Variants in PTPRT observed in about 807,000 individuals in gnomAD.
The protein encoded by PTPRT is receptor-type tyrosine-protein phosphatase T.
In PTPRT, 56 loss-of-function variants were observed where a neutral mutation model predicts 176.8. The ratio of observed to expected loss-of-function variants is 0.32; its 90% confidence interval spans 0.26 to 0.40. PTPRT has a LOEUF of 0.40. Among genes scored for constraint, PTPRT ranks in the 10% least tolerant of loss-of-function variants. The pLI is 1.00. For missense variants in PTPRT, 1,540 were observed against 1,908.2 expected, an observed-to-expected ratio of 0.81 and a Z score of 3.60; for synonymous variants, 783 against 739.0, an observed-to-expected ratio of 1.06 and a Z score of -0.96.
intron 1 of PTPRT, among the ~76,000 whole-genome samples, chr20:43,114,184 A>G (rs768131909): frequency 2.6e-5 from 4 of 152,210 alleles, no homozygotes; most frequent in Admixed American, 6.5e-5. Context: ...AGATAAGCCT[A>G]TTTCACAGTT....
intron 7 of PTPRT, among the ~76,000 whole-genome samples, chr20:42,521,045 C>T (rs2072165872): frequency 6.6e-6 from 1 of 151,920 alleles, no homozygotes; most frequent in Admixed American, 6.6e-5. Context: ...TCCATCCACC[C>T]ACCCACCTAC....
intron 7 of PTPRT, among the ~76,000 whole-genome samples, chr20:42,527,038 A>G (rs113284836): frequency 7.5e-6 from 1 of 132,510 alleles, no homozygotes; most frequent in African/African-American, 2.9e-5. Flanking sequence ...ATCTCAGCTC[A>G]CTGCAAGCTC....
intron 7 of PTPRT, among the ~76,000 whole-genome samples, chr20:42,631,016 C>G (rs1356806387): frequency 6.6e-6 from 1 of 151,930 alleles, no homozygotes; most frequent in African/African-American, 2.4e-5. Context: ...CCCAAGAAAC[C>G]ATTACAGAAA....
At chr20:42,340,755 G>A (rs1261335824) in intron 11 of PTPRT, among the ~76,000 whole-genome samples, 1 of 151,584 alleles carries the variant, frequency 6.6e-6, no homozygotes. Context: ...GAGAGCCATC[G>A]GTTATCAGCT....
intron 9 of PTPRT, among the ~76,000 whole-genome samples, chr20:42,414,830 T>A (rs1049887819): frequency 2.0e-5 from 3 of 152,220 alleles, no homozygotes; most frequent in Non-Finnish European, 4.4e-5. Flanking sequence ...ATAAATTCAA[T>A]GCAGATAGAA....
intron 13 of PTPRT, among the ~76,000 whole-genome samples, chr20:42,250,541 C>T (rs1029232915): frequency 1.3e-5 from 2 of 152,128 alleles, no homozygotes; most frequent in African/African-American, 4.8e-5. Context: ...TCTCAGAGCA[C>T]TTTCCCCAAG....
intron 6 of PTPRT, among the ~76,000 whole-genome samples, chr20:42,735,860 G>T (rs62205399): frequency 6.6e-6 from 1 of 151,910 alleles, no homozygotes; most frequent in Non-Finnish European, 1.5e-5. Flanking sequence ...GCAGCCACTC[G>T]GCCCTCAACT....
intron 9 of PTPRT, among the ~76,000 whole-genome samples, chr20:42,421,635 C>A (rs2059120087): frequency 6.6e-6 from 1 of 152,014 alleles, no homozygotes; most frequent in Non-Finnish European, 1.5e-5. Flanking sequence ...CTACCCAAAG[C>A]AATTTATAGG....
chr20:43,102,284 TCACACACACACACACA>T (rs57029983), intron 1 of PTPRT, among the ~76,000 whole-genome samples: 12 of 140,450 alleles, frequency 8.5e-5, no homozygotes, highest in African/African-American at 2.9e-4. Context: ...CACTCACACA[TCACACACACACACACA>T]CACACACACA....
At chr20:42,283,694 T>C (rs1265292384) in intron 12 of PTPRT, among the ~76,000 whole-genome samples, 1 of 151,986 alleles carries the variant, frequency 6.6e-6, no homozygotes, top group East Asian at 1.9e-4. Flanking sequence ...GCAGTATCAA[T>C]CAAATGCTTT....
chr20:42,156,670 C>T (rs758382033), intron 17 of PTPRT, among the ~76,000 whole-genome samples: 14 of 152,246 alleles, frequency 9.2e-5, no homozygotes, highest in Admixed American at 2.0e-4. Context: ...GCAGCTCCAT[C>T]CTACCAGTGG....
In PTPRT at chr20:42,179,644, A is replaced by T. The variant is rs1414442918; in HGVS notation, c.2492-18102T>A. Among the ~76,000 whole-genome samples the T allele has an allele frequency of 2.6e-5, 4 of 152,192 alleles. No homozygotes were observed. In the East Asian group the frequency reaches 7.7e-4, roughly 29 times the overall value. ...GCTAAATAAATGATTTGGAATGGTGACTAAACCCTCACCACATTTAGGGTC... is the reference window on the plus strand; with the variant it reads ...GCTAAATAAATGATTTGGAATGGTGTCTAAACCCTCACCACATTTAGGGTC... On this transcript the variant is annotated intron_variant, in intron 16 of 30. Coordinates refer to ENST00000373187, the MANE Select transcript of PTPRT (RefSeq NM_007050.6).
In PTPRT at chr20:43,189,710, G is replaced by A; in HGVS notation, c.24C>T (p.Ala8=). The A allele has an allele frequency of 1.6e-6, 2 of 1,271,674 alleles. No homozygotes were observed. Among genetic ancestry groups the A allele is most frequent in the Non-Finnish European group, 9.9e-7 (1 of 1,010,560 alleles). 78.8% of individuals were successfully genotyped at this position (1,271,674 alleles called of 1,614,324 possible). The change falls in exon 1 of 31, where the codon GCC becomes GCT. Residue 8 remains alanine (A), a synonymous_variant. Coordinates refer to ENST00000373187, the MANE Select transcript of PTPRT (RefSeq NM_007050.6). This position sits in a 1 kb window ranked among gnomAD's most constrained non-coding sequence, Gnocchi z 5.0. ...GCTGCAGCCTCAGGAGCAGGCTGAG[G>A]GCGAGCGCGGCGAGGCTCGCCATCC... MASLAAL[A]LSLLLRLQLP...
the PTPRT span, among the ~76,000 whole-genome samples, chr20:42,058,603 G>T: frequency 6.6e-6 from 1 of 152,144 alleles, no homozygotes; most frequent in Admixed American, 6.5e-5. Context: ...TGAGAACAGA[G>T]GCTCATTTCC....
chr20:42,480,160 C>T (rs1464578277), intron 7 of PTPRT, among the ~76,000 whole-genome samples: 3 of 152,188 alleles, frequency 2.0e-5, no homozygotes, highest in African/African-American at 7.2e-5. Flanking sequence ...TCTGTGATCA[C>T]CTGAACCTAA....
chr20:42,707,165 T>C (rs2076072652), intron 6 of PTPRT, among the ~76,000 whole-genome samples: 1 of 152,194 alleles, frequency 6.6e-6, no homozygotes, highest in Non-Finnish European at 1.5e-5. Flanking sequence ...TTCTGTGTGT[T>C]GTTTTTTTGT....
chr20:42,476,294 G>A (rs914236978), intron 7 of PTPRT, among the ~76,000 whole-genome samples: 5 of 152,140 alleles, frequency 3.3e-5, no homozygotes, highest in Admixed American at 1.3e-4. Context: ...AACCCACTGG[G>A]GGCTTGGATA....
At chr20:42,993,841 GC>G (rs1365893306) in intron 1 of PTPRT, among the ~76,000 whole-genome samples, 6 of 151,790 alleles carry the variant, frequency 4.0e-5, no homozygotes, top group Non-Finnish European at 8.8e-5. Flanking sequence ...CTTGGTGATT[GC>G]CCTGACATCG....
chr20:42,883,742 T>TCCCATACACACA (rs1600515695), intron 2 of PTPRT, among the ~76,000 whole-genome samples: 1 of 12,002 alleles, frequency 8.3e-5, no homozygotes, highest in Non-Finnish European at 1.6e-4. Context: ...CCATACACTC[T>TCCCATACACACA]CACACATACC....
Sources: allele counts gnomAD v4.1 joint callset (sites outside exome capture counted in the v4.1 genomes callset), GRCh38; gene constraint gnomAD v4.1.1; non-coding constraint Gnocchi (gnomAD v3.1); transcripts MANE v1.5; gene names NCBI Gene and HGNC (gene_info 2026-07-23, HGNC 2026-07-21).